Variants in CDC14B observed in about 807,000 individuals in gnomAD.
The protein encoded by CDC14B is dual specificity protein phosphatase CDC14B.
CDC14B carries 22 observed loss-of-function variants against 64.2 expected under a neutral mutation model. That is an observed-to-expected ratio of 0.34 (90% CI 0.24 to 0.49). The LOEUF is 0.49. CDC14B is among the 20% of genes least tolerant of loss of function. The pLI is 0.99. For missense variants in CDC14B, 498 were observed against 629.9 expected (o/e 0.79, Z 2.24); for synonymous variants, 191 against 215.8 (o/e 0.89, Z 1.01).
chr9:96,542,446 A>G (rs1840193148), intron 5 of CDC14B, among the ~76,000 whole-genome samples: 2 of 152,126 alleles, frequency 1.3e-5, no homozygotes, highest in African/African-American at 4.8e-5. Context: ...TTTTGTTGCT[A>G]TCGTTATCCT....
At chr9:96,579,293 G>T (rs1026784582) in intron 1 of CDC14B, among the ~76,000 whole-genome samples, 4 of 151,874 alleles carry the variant, frequency 2.6e-5, no homozygotes, top group Non-Finnish European at 5.9e-5. Context: ...ATCCTTATAA[G>T]ATGAGAGATA....
At chr9:96,550,961 A>G (rs1184133819) in intron 5 of CDC14B, among the ~76,000 whole-genome samples, 1 of 152,082 alleles carries the variant, frequency 6.6e-6, no homozygotes, top group Non-Finnish European at 1.5e-5. Context: ...CTGTGTCCCC[A>G]GAAAAAAGGG....
At chr9:96,599,390 AAAAG>A (rs1314949229) in intron 1 of CDC14B, among the ~76,000 whole-genome samples, 2 of 152,166 alleles carry the variant, frequency 1.3e-5, no homozygotes, top group African/African-American at 4.8e-5. Context: ...TAAAAAAAAA[AAAAG>A]GAGAAGAAGT....
At chr9:96,617,531 AT>A (rs1295382339) in intron 1 of CDC14B, among the ~76,000 whole-genome samples, 2 of 152,182 alleles carry the variant, frequency 1.3e-5, no homozygotes, top group African/African-American at 4.8e-5. Flanking sequence ...AGCCAGTCTT[AT>A]ATGCACCAAC....
chr9:96,493,968 C>T (rs1833153206), intron 13 of CDC14B, among the ~76,000 whole-genome samples: 1 of 152,212 alleles, frequency 6.6e-6, no homozygotes, highest in African/African-American at 2.4e-5. Flanking sequence ...GCTGCCTTTT[C>T]AAAGAAGTCT....
At chr9:96,617,717 A>T (rs552901864) in intron 1 of CDC14B, among the ~76,000 whole-genome samples, 101 of 152,308 alleles carry the variant, frequency 6.6e-4, no homozygotes, top group African/African-American at 2.3e-3. Flanking sequence ...CTAGAGAAGG[A>T]CACTTGGAGA....
In CDC14B at chr9:96,534,171, T is replaced by G; in HGVS notation, c.716-14A>C. 6.8e-7 allele frequency: 1 copy of G among 1,479,444 alleles called. No individual in the cohort carries two copies. Among genetic ancestry groups the G allele is most frequent in the Non-Finnish European group, 9.4e-7 (1 of 1,068,616 alleles). 91.6% of individuals were successfully genotyped at this position (1,479,444 alleles called of 1,614,324 possible). ...GTTGGTGGTAACCTACATAAAGAAA[T>G]GCACCAGATCTTATAAAACACATAA... is the stretch of plus-strand genomic sequence containing the variant. On this transcript the variant is annotated splice_polypyrimidine_tract_variant and intron_variant, in intron 8 of 13. Transcript: ENST00000375241.
intron 7 of CDC14B, among the ~76,000 whole-genome samples, chr9:96,535,077 G>T (rs1839088703): frequency 6.6e-6 from 1 of 152,018 alleles, no homozygotes; most frequent in African/African-American, 2.4e-5. Flanking sequence ...ATTTAATAAG[G>T]CAACCAATTT....
At chr9:96,613,810 A>G (rs1419743735) in intron 1 of CDC14B, among the ~76,000 whole-genome samples, 1 of 152,234 alleles carries the variant, frequency 6.6e-6, no homozygotes, top group Non-Finnish European at 1.5e-5. Context: ...TCTACATAAC[A>G]GCATTCCTTT....
rs376828574 is a variant in CDC14B at position 96,526,672 on chromosome 9, A to G, written c.947-2947T>C. On this transcript the variant is annotated intron_variant, in intron 9 of 13. Coordinates refer to ENST00000375241, the MANE Select transcript of CDC14B (RefSeq NM_033331.4). The stretch of plus-strand genomic sequence containing the variant: ...CCCTAAACAAAGATGCAATCAAATA[A>G]GATCCTCTCTAGGCTTTTAATTGGT... 2.5e-4 allele frequency among the ~76,000 whole-genome samples: 38 copies of G among 152,354 alleles called. 1 individual carries two copies. The South Asian group carries it at 7.9e-3, about 32-fold the overall frequency.
At chr9:96,585,456 G>T (rs1845405944) in intron 1 of CDC14B, among the ~76,000 whole-genome samples, 2 of 151,980 alleles carry the variant, frequency 1.3e-5, no homozygotes, top group Admixed American at 1.3e-4. Flanking sequence ...TTAAAAATGG[G>T]AACCAGGGCA....
chr9:96,614,979 T>C (rs1847532527), intron 1 of CDC14B, among the ~76,000 whole-genome samples: 1 of 152,148 alleles, frequency 6.6e-6, no homozygotes, highest in Admixed American at 6.5e-5. Context: ...TAGCTGGGAC[T>C]ATAGGCACGT....
At chr9:96,543,806 G>A (rs899695116) in intron 5 of CDC14B, among the ~76,000 whole-genome samples, 2 of 152,154 alleles carry the variant, frequency 1.3e-5, no homozygotes, top group African/African-American at 2.4e-5. Flanking sequence ...GGGGAAACAG[G>A]GTTGCTGGTG....
chr9:96,602,337 C>A (rs1846539034), intron 1 of CDC14B, among the ~76,000 whole-genome samples: 1 of 151,858 alleles, frequency 6.6e-6, no homozygotes, highest in Non-Finnish European at 1.5e-5. Flanking sequence ...CACAGCACCT[C>A]TGCAAAAAAG....
At chr9:96,566,194 C>G (rs1046218818) in intron 1 of CDC14B, among the ~76,000 whole-genome samples, 10 of 152,042 alleles carry the variant, frequency 6.6e-5, no homozygotes, top group Admixed American at 2.0e-4. Context: ...CATTCCTTGC[C>G]TAAAAATCCT....
chr9:96,545,926 C>T (rs1439801085), intron 5 of CDC14B, among the ~76,000 whole-genome samples: 1 of 152,202 alleles, frequency 6.6e-6, no homozygotes, highest in African/African-American at 2.4e-5. Context: ...TTGCATTCAG[C>T]CTTCTTCCAA....
intron 6 of CDC14B, 130 bp downstream of exon 6, chr9:96,541,696 G>T: frequency 2.0e-6 from 1 of 493,836 alleles, no homozygotes. Flanking sequence ...TTGGGAAATG[G>T]AGCACCTCTG....
At position 96,533,932 on chromosome 9, in the gene CDC14B, C is replaced by T; in HGVS notation, c.941G>A (p.Cys314Tyr). ...ENAEGAIAVH[C>Y]KAGLGRTGTL... ...AACCACCCCTAGAAACATACCTTTG[C>T]AATGTACTGCAATGGCACCCTCAGC... is the stretch of plus-strand genomic sequence containing the variant. Residue 314 changes from cysteine to tyrosine, a missense_variant, in exon 9 of 14, where the codon TGC (cysteine) becomes TAC (tyrosine). Cys to Tyr is a radical substitution (Grantham distance 194, BLOSUM62 -2). Coordinates refer to ENST00000375241, the MANE Select transcript of CDC14B (RefSeq NM_033331.4). 3 of 1,604,680 alleles carry T rather than the reference C, an allele frequency of 1.9e-6. No homozygotes were observed. Among genetic ancestry groups the T allele is most frequent in the Non-Finnish European group, 2.6e-6 (3 of 1,173,572 alleles).
chr9:96,499,048 C>A (rs1451343844), downstream of CDC14B, among the ~76,000 whole-genome samples: 1 of 152,216 alleles, frequency 6.6e-6, no homozygotes. Flanking sequence ...AGGGACTTCA[C>A]GGAGCTGCGT....
Sources: gnomAD v4.1 joint callset for allele counts (sites outside exome capture counted in the v4.1 genomes callset) on GRCh38, gnomAD v4.1.1 for gene constraint, MANE v1.5 for transcripts, NCBI Gene and HGNC (gene_info 2026-07-23, HGNC 2026-07-21) for gene names.